UBXN4: variants seen among roughly 807,000 people sequenced by gnomAD.
UBXN4 encodes the protein UBX domain protein 4.
Under a neutral mutation model 66.2 loss-of-function variants are expected in UBXN4, and 35 were observed. The observed-to-expected ratio is 0.53, with a 90% CI of 0.40 to 0.70. The LOEUF is 0.70. Among genes scored for constraint, UBXN4 ranks in the 30% least tolerant of loss-of-function variants. The pLI, the probability that UBXN4 is intolerant of heterozygous loss-of-function variation, is 0.00. For missense variants in UBXN4, 533 were observed against 599.8 expected, an observed-to-expected ratio of 0.89 and a Z score of 1.16; for synonymous variants, 203 against 204.5, an observed-to-expected ratio of 0.99 and a Z score of 0.06.
intron 6 of UBXN4, among the ~76,000 whole-genome samples, chr2:135,768,074 TAA>T (rs1197457354): frequency 2.0e-5 from 3 of 152,170 alleles, no homozygotes; most frequent in African/African-American, 4.8e-5. Context: ...CATTTTCATT[TAA>T]AAAAATGAAA....
intron 9 of UBXN4, among the ~76,000 whole-genome samples, chr2:135,773,607 CAT>C (rs2077396393): frequency 6.6e-6 from 1 of 152,114 alleles, no homozygotes; most frequent in Non-Finnish European, 1.5e-5. Context: ...ACGAATGACA[CAT>C]AGCAGGGTAA....
intron 8 of UBXN4, 136 bp from the exon 9 acceptor site, chr2:135,772,284 C>G (rs1452189168): frequency 7.0e-6 from 7 of 1,004,468 alleles, no homozygotes; most frequent in East Asian, 3.0e-5. Flanking sequence ...GATTGTGCCA[C>G]TGCACTCCAG....
At chr2:135,778,309 A>C (rs1011414431) in intron 10 of UBXN4, among the ~76,000 whole-genome samples, 2 of 152,152 alleles carry the variant, frequency 1.3e-5, no homozygotes, top group African/African-American at 4.8e-5. Flanking sequence ...AAAATACGAA[A>C]AACAAGTTAG....
At chr2:135,765,007 G>T (rs985762133) in intron 6 of UBXN4, among the ~76,000 whole-genome samples, 117 of 151,368 alleles carry the variant, frequency 7.7e-4, no homozygotes, top group African/African-American at 2.7e-3. Flanking sequence ...AGAGACAGGG[G>T]TTTGCCATGT....
intron 6 of UBXN4, among the ~76,000 whole-genome samples, chr2:135,765,681 G>A (rs2077342396): frequency 6.7e-6 from 1 of 149,306 alleles, no homozygotes; most frequent in East Asian, 2.0e-4. Context: ...TTTGAAAGTT[G>A]CAGACATAAT....
At chr2:135,771,902 T>G (rs1575322147) in intron 8 of UBXN4, among the ~76,000 whole-genome samples, 1 of 152,204 alleles carries the variant, frequency 6.6e-6, no homozygotes, top group Non-Finnish European at 1.5e-5. Context: ...TGTTCCAGGC[T>G]TTGGAGATAC....
At position 135,776,301 on chromosome 2, in the gene UBXN4, C is replaced by A; in HGVS notation, c.1003C>A (p.Gln335Lys). Residue 335 changes from glutamine (Q) to lysine (K), a missense_variant, in exon 10 of 13, where the codon CAG becomes AAG. Transcript: ENST00000272638. Reference protein sequence around the residue: ...RLPDGSSFTNQFPSDAPLEEA... With the variant: ...RLPDGSSFTNKFPSDAPLEEA... ...TCCTGATGGTTCTTCCTTTACAAAT[C>A]AGTTCCCTTCTGATGCTCCTCTAGA... The A allele has an allele frequency of 6.2e-7, 1 of 1,614,034 alleles. No individual in the cohort carries two copies. The highest frequency in any genetic ancestry group is 1.1e-5 in the South Asian group (1 of 91,076).
intron 7 of UBXN4, 70 bp from the exon 8 acceptor site, chr2:135,770,501 G>T: frequency 1.0e-5 from 11 of 1,096,980 alleles, no homozygotes; most frequent in Non-Finnish European, 1.4e-5. Context: ...TGCAGTTTTC[G>T]TTGCATTCAA....
chr2:135,750,626 AAC>A (rs2077235127), intron 2 of UBXN4, among the ~76,000 whole-genome samples: 1 of 152,290 alleles, frequency 6.6e-6, no homozygotes, highest in East Asian at 1.9e-4. Context: ...CCTGTCTCAC[AAC>A]AGTTACTGAA....
At chr2:135,742,182 A>G (rs2077178859) in intron 1 of UBXN4, among the ~76,000 whole-genome samples, 171 bp downstream of exon 1, 1 of 152,058 alleles carries the variant, frequency 6.6e-6, no homozygotes, top group African/African-American at 2.4e-5. Flanking sequence ...CCGCCGCCAG[A>G]TCCCCCAGAG....
chr2:135,754,871 A>C (rs2105495681), intron 4 of UBXN4, among the ~76,000 whole-genome samples: 1 of 151,806 alleles, frequency 6.6e-6, no homozygotes, highest in East Asian at 1.9e-4. Flanking sequence ...TGCAATCTCT[A>C]CCTCCCGGGT....
intron 9 of UBXN4, among the ~76,000 whole-genome samples, chr2:135,774,768 C>T (rs915173224): frequency 1.3e-5 from 2 of 151,490 alleles, no homozygotes; most frequent in Non-Finnish European, 2.9e-5. Context: ...TCGCTTGAAC[C>T]AGGGAGGCGG....
chr2:135,771,897 C>T (rs893958029), intron 8 of UBXN4, among the ~76,000 whole-genome samples: 1 of 152,176 alleles, frequency 6.6e-6, no homozygotes, highest in African/African-American at 2.4e-5. Flanking sequence ...GACCTTGTTC[C>T]AGGCTTTGGA....
chr2:135,742,793 G>T (rs2077184519), intron 1 of UBXN4: 1 of 152,036 alleles, frequency 6.6e-6, no homozygotes. Context: ...AGGGGATCTA[G>T]TGTGAAATAA....
chr2:135,764,293 C>G lies in UBXN4; in HGVS notation c.602+2382C>G, dbSNP rs550723308. Among the ~76,000 whole-genome samples, 12 of 152,088 alleles carry G rather than the reference C, an allele frequency of 7.9e-5. No individual in the cohort carries two copies. In the South Asian group the frequency reaches 2.5e-3, roughly 32 times the overall value. On this transcript the variant is annotated intron_variant, in intron 6 of 12. Coordinates refer to ENST00000272638, the MANE Select transcript of UBXN4 (RefSeq NM_014607.4). ...TTTAAGTCTTAGGCTTTTTTCTCAT[C>G]TAGCTTCAAAGAAAACTAATTTTGT...
intron 8 of UBXN4, among the ~76,000 whole-genome samples, chr2:135,771,922 C>G (rs2077386233): frequency 6.6e-6 from 1 of 152,164 alleles, no homozygotes; most frequent in South Asian, 2.1e-4. Context: ...CAGTAGTGAG[C>G]AAATTCATTT....
chr2:135,747,760 A>G (rs998123298), intron 1 of UBXN4: 2 of 448,134 alleles, frequency 4.5e-6, no homozygotes, highest in South Asian at 3.2e-5. Flanking sequence ...TCAGCCTCCT[A>G]TGTAGGTGGG....
At chr2:135,763,849 G>C (rs953894680) in intron 6 of UBXN4, among the ~76,000 whole-genome samples, 27 of 151,460 alleles carry the variant, frequency 1.8e-4, no homozygotes, top group African/African-American at 6.6e-4. Flanking sequence ...ATAAGACCAG[G>C]CATGGTGGAT....
At chr2:135,770,470 A>G in intron 7 of UBXN4, 101 bp from the exon 8 acceptor site, 1 of 770,076 alleles carries the variant, frequency 1.3e-6, no homozygotes, top group Non-Finnish European at 2.0e-6. Context: ...CTTACATTTT[A>G]TGAAGTTTTA....
Sources: allele counts gnomAD v4.1 joint callset (sites outside exome capture counted in the v4.1 genomes callset), GRCh38; gene constraint gnomAD v4.1.1; transcripts MANE v1.5; gene names NCBI Gene and HGNC (gene_info 2026-07-23, HGNC 2026-07-21).